FAM167A: variants seen among roughly 807,000 people sequenced by gnomAD.
FAM167A encodes the protein family with sequence similarity 167 member A.
In FAM167A, 23 loss-of-function variants were observed where a neutral mutation model predicts 14.9. That is an observed-to-expected ratio of 1.55 (90% CI 1.11 to 2.19). The LOEUF is 2.19. Among genes scored for constraint, FAM167A ranks in the 30% most tolerant of loss-of-function variants. The probability of loss-of-function intolerance (pLI) is 0.00; values close to 1 mark genes in which losing one functional copy is unlikely to be tolerated. For missense variants in FAM167A, 401 were observed against 281.5 expected (o/e 1.42, Z -3.04); for synonymous variants, 174 against 117.7 (o/e 1.48, Z -3.10).
At chr8:11,425,081 T>A (rs1805041694) in intron 2 of FAM167A, among the ~76,000 whole-genome samples, 1 of 152,242 alleles carries the variant, frequency 6.6e-6, no homozygotes, top group Non-Finnish European at 1.5e-5. Flanking sequence ...TTTTCTTTCT[T>A]ACGCTGGGGA....
chr8:11,429,357 C>T (rs770897451), intron 2 of FAM167A, among the ~76,000 whole-genome samples: 16 of 152,192 alleles, frequency 1.1e-4, no homozygotes, highest in Non-Finnish European at 2.2e-4. Context: ...GTCGGGAGGA[C>T]GGCGGTTGCC....
Position 11,444,015 on chromosome 8 carries a change from G to C in FAM167A, c.381+16C>G, listed in dbSNP as rs549493807. 19 of 1,597,956 alleles carry C rather than the reference G, an allele frequency of 1.2e-5. No individual in the cohort carries two copies. In the East Asian group the frequency reaches 3.8e-4, roughly 32 times the overall value. On this transcript the variant is annotated intron_variant, in intron 2 of 2. Transcript: ENST00000284486. ...CATCTCCTCTTTTCTGGGGATTCTT[G>C]GGGGCAGCCACTCACCAGTTCCTTC...
chr8:11,452,057 G>C (rs28583691), intron 1 of FAM167A, among the ~76,000 whole-genome samples: 7,663 of 152,222 alleles, frequency 0.05, 541 homozygotes, highest in African/African-American at 0.16. Context: ...CAATCCAAAA[G>C]GCTCCCTCTG....
chr8:11,467,309 G>T (rs957604043), upstream of FAM167A, among the ~76,000 whole-genome samples: 4 of 152,268 alleles, frequency 2.6e-5, no homozygotes, highest in Non-Finnish European at 5.9e-5. Context: ...CCAGGGGCGC[G>T]GCATCGGCCA....
At chr8:11,438,847 C>G (rs917157930) in intron 2 of FAM167A, among the ~76,000 whole-genome samples, 4 of 152,226 alleles carry the variant, frequency 2.6e-5, no homozygotes, top group African/African-American at 9.7e-5. Flanking sequence ...TCTTGTGAAC[C>G]AAATCCCCGC....
In FAM167A at chr8:11,438,827, C is replaced by T. The variant is rs77179011; in HGVS notation, c.381+5204G>A. ...AGCCTTGGGAGAACAGAGGCTGGGA[C>T]GAGGAATTCTCTTGTGAACCAAATC... On this transcript the variant is annotated intron_variant, in intron 2 of 2. Transcript: ENST00000284486. 8.9e-3 allele frequency among the ~76,000 whole-genome samples: 1,352 copies of T among 152,328 alleles called. 15 individuals are homozygous for T. Among genetic ancestry groups the T allele is most frequent in the African/African-American group, 0.03 (1,229 of 41,570 alleles).
rs1805927161 is a variant in FAM167A, at chr8:11,435,234, C to T, written c.381+8797G>A. On this transcript the variant is annotated intron_variant, in intron 2 of 2. Coordinates refer to ENST00000284486, the MANE Select transcript of FAM167A (RefSeq NM_053279.3). ...GGTCCCTTCTCCACCTGTCACCCTT[C>T]AGGACCAGCTCAGCCTTTGTCCCTC... 3 of 417,182 alleles carry T rather than the reference C, an allele frequency of 7.2e-6. No homozygotes were observed. In the Admixed American group the frequency reaches 7.4e-5, roughly 10 times the overall value. 25.8% of individuals were successfully genotyped at this position (417,182 alleles called of 1,614,324 possible).
chr8:11,424,982 A>G (rs991832114), intron 2 of FAM167A, among the ~76,000 whole-genome samples: 2 of 152,192 alleles, frequency 1.3e-5, no homozygotes, highest in African/African-American at 2.4e-5. Context: ...GGTAACAGCT[A>G]TCAAATTCAG....
chr8:11,434,335 T>C (rs941414675), intron 2 of FAM167A, among the ~76,000 whole-genome samples: 22 of 152,174 alleles, frequency 1.4e-4, no homozygotes, highest in Non-Finnish European at 2.6e-4. Flanking sequence ...TTCAGGCCCC[T>C]GGCCTGGGAC....
chr8:11,450,454 G>A lies in FAM167A; in HGVS notation c.-397-5646C>T, dbSNP rs546426214. Among the ~76,000 whole-genome samples the A allele has an allele frequency of 1.4e-4, 21 of 152,284 alleles. No individual in the cohort carries two copies. The South Asian group carries it at 4.4e-3, about 32-fold the overall frequency. ...AGAGACTGAGGCATAGACAGGTTCG[G>A]GACCTTGCCTGAAGCCACAGAGCTT... On this transcript the variant is annotated intron_variant, in intron 1 of 2. Coordinates refer to ENST00000284486, the MANE Select transcript of FAM167A (RefSeq NM_053279.3).
At chr8:11,472,199 A>G (rs1314895686), upstream of FAM167A, among the ~76,000 whole-genome samples, 6 of 152,142 alleles carry the variant, frequency 3.9e-5, no homozygotes, top group Admixed American at 1.3e-4. Flanking sequence ...TAAGGAGCAG[A>G]TTACGCAGCA....
In FAM167A at chr8:11,424,406, C is replaced by T; in HGVS notation, c.612G>A (p.Met204Ile). Residue 204 changes from methionine to isoleucine, a missense_variant, in exon 3 of 3, where the codon ATG becomes ATA. Coordinates refer to ENST00000284486, the MANE Select transcript of FAM167A (RefSeq NM_053279.3). ...TPLKLIGVTK[M>I]NINSRRFSLC ...GAGAGAACCTCCGAGAGTTGATGTT[C>T]ATCTTGGTCACGCCAATAAGCTTGA... is the stretch of plus-strand genomic sequence containing the variant. The T allele has an allele frequency of 6.2e-7, 1 of 1,614,060 alleles. No homozygotes were observed. Among genetic ancestry groups the T allele is most frequent in the South Asian group, 1.1e-5 (1 of 91,038 alleles).
At chr8:11,443,465 C>T (rs929415132) in intron 2 of FAM167A, among the ~76,000 whole-genome samples, 1 of 152,188 alleles carries the variant, frequency 6.6e-6, no homozygotes, top group Non-Finnish European at 1.5e-5. Flanking sequence ...CAGGACCCAT[C>T]CCGCCGACTC....
intron 2 of FAM167A, chr8:11,438,073 C>T: frequency 2.2e-6 from 1 of 448,028 alleles, no homozygotes; most frequent in South Asian, 1.6e-5. Flanking sequence ...CCTGACCCAT[C>T]CACCTTGGCC....
chr8:11,455,229 G>C (rs963112649), intron 1 of FAM167A, among the ~76,000 whole-genome samples: 15 of 150,284 alleles, frequency 1.0e-4, no homozygotes, highest in African/African-American at 3.4e-4. Flanking sequence ...GACTGTGGTG[G>C]GGTTGTTGCC....
At chr8:11,452,616 G>A (rs984887568) in intron 1 of FAM167A, among the ~76,000 whole-genome samples, 4 of 152,158 alleles carry the variant, frequency 2.6e-5, no homozygotes, top group African/African-American at 4.8e-5. Flanking sequence ...AGGTTGCCTC[G>A]GGTCTGTTTC....
rs1382536467 is a variant in FAM167A at position 11,435,217 on chromosome 8, C to T, written c.381+8814G>A. ...TCTGTCCCCTCCCCTGTGGTCCCTTCTCCACCTGTCACCCTTCAGGACCAG... is the reference window on the plus strand; with the variant it reads ...TCTGTCCCCTCCCCTGTGGTCCCTTTTCCACCTGTCACCCTTCAGGACCAG... On this transcript the variant is annotated intron_variant, in intron 2 of 2. Transcript: ENST00000284486. 6.9e-6 allele frequency: 3 copies of T among 433,246 alleles called. No individual in the cohort carries two copies. The Admixed American group carries it at 7.2e-5, about 10-fold the overall frequency. The allele number at this position is 433,246 out of a possible 1,614,324, so 26.8% of individuals were successfully genotyped here.
Position 11,430,272 on chromosome 8 carries a change from G to A in FAM167A, c.382-5636C>T, listed in dbSNP as rs1805487522. ...GAAAGGGAAGAGATGTCATTGGTCG[G>A]GGGCTGTCCAAGCACTGTGGTGACA... is the stretch of plus-strand genomic sequence containing the variant. On this transcript the variant is annotated intron_variant, in intron 2 of 2. Coordinates refer to ENST00000284486, the MANE Select transcript of FAM167A (RefSeq NM_053279.3). Among the ~76,000 whole-genome samples, 6 of 152,232 alleles carry A rather than the reference G, an allele frequency of 3.9e-5. No homozygotes were observed. In the South Asian group the frequency reaches 1.2e-3, roughly 32 times the overall value.
chr8:11,442,724 G>A (rs1464973269), intron 2 of FAM167A, among the ~76,000 whole-genome samples: 1 of 151,832 alleles, frequency 6.6e-6, no homozygotes, highest in African/African-American at 2.4e-5. Context: ...GGGTGATAGA[G>A]CACCCCAGAG....
Sources: allele counts gnomAD v4.1 joint callset (sites outside exome capture counted in the v4.1 genomes callset), GRCh38; gene constraint gnomAD v4.1.1; transcripts MANE v1.5; gene names NCBI Gene and HGNC (gene_info 2026-07-23, HGNC 2026-07-21).